CMTM7: variants seen among roughly 807,000 people sequenced by gnomAD.
CMTM7 encodes the protein CKLF-like MARVEL transmembrane domain-containing protein 7.
CMTM7 carries 7 observed loss-of-function variants against 19.3 expected under a neutral mutation model. The ratio of observed to expected loss-of-function variants is 0.36; its 90% CI spans 0.21 to 0.68. CMTM7 has a LOEUF of 0.68. Among genes scored for constraint, CMTM7 ranks in the 30% least tolerant of loss-of-function variants. The probability of loss-of-function intolerance (pLI) is 0.60; values close to 1 mark genes in which losing one functional copy is unlikely to be tolerated. For synonymous variants in CMTM7, 87 were observed against 99.3 expected (o/e 0.88, Z 0.74); for missense variants, 193 against 232.6 (o/e 0.83, Z 1.11).
chr3:32,434,473 T>A (rs377580146), intron 1 of CMTM7, among the ~76,000 whole-genome samples: 2,975 of 137,750 alleles, frequency 0.022, 82 homozygotes, highest in African/African-American at 0.069. Flanking sequence ...ATTTTAAAAA[T>A]TTTTTTTTTT....
At chr3:32,429,832 C>G (rs1326478066) in intron 1 of CMTM7, among the ~76,000 whole-genome samples, 1 of 152,112 alleles carries the variant, frequency 6.6e-6, no homozygotes, top group African/African-American at 2.4e-5. Flanking sequence ...ATCTCCTGAC[C>G]TTGTGATCCA....
intron 1 of CMTM7, among the ~76,000 whole-genome samples, chr3:32,402,294 T>C (rs1696021857): frequency 6.6e-6 from 1 of 152,124 alleles, no homozygotes; most frequent in African/African-American, 2.4e-5. Flanking sequence ...GTATTTTTAG[T>C]AGAGACGGGG....
Position 32,404,162 on chromosome 3 carries a change from C to CT in CMTM7, c.159+12112dup, listed in dbSNP as rs5847761. ...TCTTTCTTTTTTTTTCTTTTTTTTT[C>CT]TTTTTTTTTTTTTTTGGAGACAGAG... On this transcript the variant is annotated intron_variant, in intron 1 of 4. Coordinates refer to ENST00000334983, the MANE Select transcript of CMTM7 (RefSeq NM_138410.4). Among the ~76,000 whole-genome samples, 699 of 74,616 alleles carry CT rather than the reference C, an allele frequency of 9.4e-3. 16 individuals carry two copies. Among genetic ancestry groups the CT allele is most frequent in the African/African-American group, 0.02 (507 of 25,146 alleles). 49.0% of individuals were successfully genotyped at this position (74,616 alleles called of 152,430 possible). A position where few individuals can be genotyped will look rare whatever the true frequency, so the allele number is the denominator to read the frequency against.
intron 2 of CMTM7, among the ~76,000 whole-genome samples, chr3:32,448,156 C>A (rs775827029): frequency 2.6e-5 from 4 of 152,192 alleles, no homozygotes; most frequent in Non-Finnish European, 5.9e-5. Flanking sequence ...GGCTGAGATA[C>A]TATTTAAGTA....
chr3:32,392,237 C>G (rs778146236), intron 1 of CMTM7, among the ~76,000 whole-genome samples, 172 bp downstream of exon 1: 1 of 124,572 alleles, frequency 8.0e-6, no homozygotes, highest in South Asian at 2.8e-4. Flanking sequence ...GGGAAAGTTG[C>G]TGCCGCAGCC....
At chr3:32,412,939 G>A (rs1213329813) in intron 1 of CMTM7, among the ~76,000 whole-genome samples, 1 of 152,108 alleles carries the variant, frequency 6.6e-6, no homozygotes, top group Non-Finnish European at 1.5e-5. Flanking sequence ...AAATTTATGT[G>A]ACCACTCACT....
chr3:32,454,013 A>G (rs896461218), intron 4 of CMTM7, among the ~76,000 whole-genome samples: 2 of 152,198 alleles, frequency 1.3e-5, no homozygotes, highest in Non-Finnish European at 2.9e-5. Flanking sequence ...GCTGAGGAGT[A>G]AGACTGAGGT....
intron 1 of CMTM7, among the ~76,000 whole-genome samples, chr3:32,403,501 T>A (rs987053644): frequency 2.0e-5 from 3 of 152,156 alleles, no homozygotes; most frequent in Non-Finnish European, 4.4e-5. Context: ...GCATGAGCCA[T>A]GGTGCCGGCC....
At chr3:32,447,834 A>G (rs1696774100) in intron 2 of CMTM7, among the ~76,000 whole-genome samples, 1 of 151,988 alleles carries the variant, frequency 6.6e-6, no homozygotes, top group South Asian at 2.1e-4. Flanking sequence ...TACTGTAGTT[A>G]TTTCTCGTTT....
intron 2 of CMTM7, among the ~76,000 whole-genome samples, chr3:32,448,171 C>T (rs890417131): frequency 4.6e-5 from 7 of 152,146 alleles, no homozygotes; most frequent in Non-Finnish European, 8.8e-5. Context: ...TAAGTACTTC[C>T]GGTTAGGATT....
At chr3:32,393,291 C>G (rs1375010694) in intron 1 of CMTM7, among the ~76,000 whole-genome samples, 1 of 152,294 alleles carries the variant, frequency 6.6e-6, no homozygotes, top group South Asian at 2.1e-4. Context: ...CTAGGAAGAG[C>G]CATTTCAGCA....
chr3:32,422,689 C>T (rs1559407778), intron 1 of CMTM7, among the ~76,000 whole-genome samples: 1 of 152,216 alleles, frequency 6.6e-6, no homozygotes, highest in Admixed American at 6.5e-5. Flanking sequence ...CAAATACAGA[C>T]ACTTCTCAAC....
chr3:32,447,555 G>A (rs545373844), intron 2 of CMTM7, among the ~76,000 whole-genome samples: 1 of 152,210 alleles, frequency 6.6e-6, no homozygotes, highest in East Asian at 1.9e-4. Flanking sequence ...TTTTTGAATT[G>A]TCTGTTTTTC....
At chr3:32,425,269 T>TA (rs1314728654) in intron 1 of CMTM7, among the ~76,000 whole-genome samples, 1 of 152,154 alleles carries the variant, frequency 6.6e-6, no homozygotes, top group Non-Finnish European at 1.5e-5. Context: ...CGGCTCCTTA[T>TA]AAAAAAAGCT....
intron 1 of CMTM7, among the ~76,000 whole-genome samples, chr3:32,423,477 G>A (rs1022016838): frequency 6.6e-6 from 1 of 152,202 alleles, no homozygotes; most frequent in African/African-American, 2.4e-5. Context: ...CAGAAGTTGT[G>A]TGTCTTCCTA....
At chr3:32,402,635 T>G (rs1696027811) in intron 1 of CMTM7, among the ~76,000 whole-genome samples, 1 of 152,200 alleles carries the variant, frequency 6.6e-6, no homozygotes, top group Non-Finnish European at 1.5e-5. Context: ...TGATCTCGGC[T>G]CACTGTAACC....
chr3:32,446,624 A>G (rs1166621403), intron 2 of CMTM7, among the ~76,000 whole-genome samples: 1 of 152,036 alleles, frequency 6.6e-6, no homozygotes, highest in African/African-American at 2.4e-5. Context: ...TTTGATTCCC[A>G]GTGTTGGAGG....
chr3:32,448,596 G>A (rs1175880837), intron 2 of CMTM7, among the ~76,000 whole-genome samples: 1 of 152,178 alleles, frequency 6.6e-6, no homozygotes, highest in Non-Finnish European at 1.5e-5. Flanking sequence ...CCTCGCCACT[G>A]AAAGGCCCAT....
At chr3:32,413,542 C>G (rs781462759) in intron 1 of CMTM7, among the ~76,000 whole-genome samples, 2 of 152,182 alleles carry the variant, frequency 1.3e-5, no homozygotes, top group Non-Finnish European at 2.9e-5. Flanking sequence ...TATAACTCCT[C>G]TAATAGCACC....
Sources: allele counts gnomAD v4.1 joint callset (sites outside exome capture counted in the v4.1 genomes callset), GRCh38; gene constraint gnomAD v4.1.1; transcripts MANE v1.5; gene names NCBI Gene and HGNC (gene_info 2026-07-23, HGNC 2026-07-21).